TNNI3K: variants seen among roughly 807,000 people sequenced by gnomAD.
TNNI3K encodes the protein TNNI3 interacting kinase.
TNNI3K carries 140 observed loss-of-function variants against 114.5 expected under a neutral mutation model. That is an observed-to-expected ratio of 1.22 (90% confidence interval 1.07 to 1.41). TNNI3K has a LOEUF of 1.41. Ranked by LOEUF, TNNI3K falls within the 40% of genes most tolerant of loss-of-function variation. TNNI3K has a pLI of 0.00. For synonymous variants in TNNI3K, 347 were observed against 347.5 expected, an observed-to-expected ratio of 1.00 and a Z score of 0.02; for missense variants, 1,125 against 1,007.6, an observed-to-expected ratio of 1.12 and a Z score of -1.58.
chr1:74,510,101 G>T (rs1670108811), intron 23 of TNNI3K, among the ~76,000 whole-genome samples: 1 of 152,024 alleles, frequency 6.6e-6, no homozygotes, highest in South Asian at 2.1e-4. Context: ...TTTGTAAAAG[G>T]TAGACAGTTC....
intron 17 of TNNI3K, among the ~76,000 whole-genome samples, chr1:74,393,681 G>A (rs1394608046): frequency 6.6e-6 from 1 of 152,126 alleles, no homozygotes; most frequent in African/African-American, 2.4e-5. Context: ...TGGCACCAGG[G>A]AGCAGTTTTG....
At chr1:74,352,443 C>T (rs539340087) in intron 9 of TNNI3K, among the ~76,000 whole-genome samples, 1 of 152,312 alleles carries the variant, frequency 6.6e-6, no homozygotes, top group Admixed American at 6.5e-5. Flanking sequence ...GCAGTCTGCC[C>T]ATTCTCAGAT....
At chr1:74,420,444 G>A (rs1022411230) in intron 17 of TNNI3K, among the ~76,000 whole-genome samples, 6 of 152,072 alleles carry the variant, frequency 3.9e-5, no homozygotes, top group Admixed American at 3.3e-4. Context: ...TGCCTTTGAG[G>A]ATGAGAACAG....
chr1:74,275,062 A>G (rs947440077), intron 5 of TNNI3K, among the ~76,000 whole-genome samples: 2 of 152,100 alleles, frequency 1.3e-5, no homozygotes, highest in African/African-American at 4.8e-5. Context: ...ATTATTAGAA[A>G]CATAATAATG....
At chr1:74,468,976 A>C (rs1462489059) in intron 21 of TNNI3K, 1 of 152,164 alleles carries the variant, frequency 6.6e-6, no homozygotes, top group Non-Finnish European at 1.5e-5. Flanking sequence ...TTCACATTTA[A>C]TTCCAGTGTA....
intron 5 of TNNI3K, among the ~76,000 whole-genome samples, chr1:74,283,206 T>C (rs1657119127): frequency 1.3e-5 from 2 of 152,188 alleles, no homozygotes; most frequent in African/African-American, 4.8e-5. Flanking sequence ...CATTCGAAAA[T>C]GGTTTCCTCG....
chr1:74,483,143 A>G, intron 21 of TNNI3K: 3 of 576,304 alleles, frequency 5.2e-6, no homozygotes, highest in South Asian at 4.6e-5. Flanking sequence ...TATGAAGTGT[A>G]CTCATTAAAG....
rs754799408 is a variant in TNNI3K, at chr1:74,294,066, C to T, written c.444+22358C>T. 5.9e-5 allele frequency among the ~76,000 whole-genome samples: 9 copies of T among 151,450 alleles called. No individual in the cohort carries two copies. The South Asian group carries it at 6.2e-4, about 11-fold the overall frequency. ...TTTTCTGACATGTCATTTTTATACTCGTTGAATTCAGATTGTTGATGTTTT... is the reference window on the plus strand; with the variant it reads ...TTTTCTGACATGTCATTTTTATACTTGTTGAATTCAGATTGTTGATGTTTT... On this transcript the variant is annotated intron_variant, in intron 5 of 24. Coordinates refer to ENST00000326637, the MANE Select transcript of TNNI3K (RefSeq NM_015978.3).
intron 4 of TNNI3K, among the ~76,000 whole-genome samples, chr1:74,257,861 G>T (rs567782246): frequency 7.2e-4 from 110 of 151,862 alleles, no homozygotes; most frequent in African/African-American, 2.4e-3. Flanking sequence ...TAGAGACGGG[G>T]TTTCACCATG....
intron 23 of TNNI3K, among the ~76,000 whole-genome samples, chr1:74,502,089 A>G (rs1669662989): frequency 6.6e-6 from 1 of 152,128 alleles, no homozygotes; most frequent in Non-Finnish European, 1.5e-5. Flanking sequence ...CTACCATATA[A>G]TCTATTAAAA....
At chr1:74,480,211 G>A (rs1438395248) in intron 21 of TNNI3K, 1 of 717,512 alleles carries the variant, frequency 1.4e-6, no homozygotes, top group Admixed American at 2.0e-5. Flanking sequence ...GGGGACTTCT[G>A]TCCTTTAGAA....
chr1:74,353,870 C>T, intron 10 of TNNI3K, 110 bp from the exon 11 acceptor site: 1 of 1,408,104 alleles, frequency 7.1e-7, no homozygotes, highest in Non-Finnish European at 9.5e-7. Flanking sequence ...TCAATCCTTA[C>T]TTCATACCTT....
intron 4 of TNNI3K, among the ~76,000 whole-genome samples, chr1:74,257,812 C>T (rs997286120): frequency 2.0e-4 from 31 of 151,674 alleles, no homozygotes; most frequent in African/African-American, 7.0e-4. Flanking sequence ...GGGCTACAGG[C>T]GCCCGCCACC....
At chr1:74,268,588 T>G (rs201470808) in intron 4 of TNNI3K, among the ~76,000 whole-genome samples, 1 of 10 alleles carries the variant, frequency 0.1, no homozygotes, top group Admixed American at 0.25. Flanking sequence ...CAAATCAATA[T>G]TTTATTTGGA....
intron 23 of TNNI3K, among the ~76,000 whole-genome samples, chr1:74,504,617 C>T (rs756421592): frequency 2.0e-5 from 3 of 151,976 alleles, no homozygotes; most frequent in South Asian, 4.1e-4. Flanking sequence ...AAGAGCCCTA[C>T]GTGTGTAAAA....
chr1:74,482,410 T>C (rs1668550033), intron 21 of TNNI3K, among the ~76,000 whole-genome samples: 1 of 152,192 alleles, frequency 6.6e-6, no homozygotes, highest in South Asian at 2.1e-4. Flanking sequence ...ATAAATGTAG[T>C]GAAGTCAAGA....
In TNNI3K at chr1:74,342,922, C is replaced by T. The variant is rs769962227; in HGVS notation, c.763C>T (p.Leu255=). ...FGHHDIVKYL[L]QSDLEVQPHV... ...ACACCATGATATAGTTAAGTATCTG[C>T]TGCAAAGTGATTTGGAAGTTCAACC... The change falls in exon 8 of 25, where the codon CTG becomes TTG. Residue 255 remains leucine (L), a synonymous_variant. Transcript: ENST00000326637. 1.1e-5 allele frequency: 18 copies of T among 1,613,768 alleles called. No individual in the cohort carries two copies. The African/African-American group carries it at 2.1e-4, about 19-fold the overall frequency.
chr1:74,255,345 C>A (rs184653477), intron 4 of TNNI3K, among the ~76,000 whole-genome samples: 1,691 of 114,986 alleles, frequency 0.015, 37 homozygotes, highest in African/African-American at 0.048. Context: ...CAGAGCGAGA[C>A]TCCGTCTCAA....
At chr1:74,384,598 A>G (rs757340876) in intron 17 of TNNI3K, among the ~76,000 whole-genome samples, 24 of 152,138 alleles carry the variant, frequency 1.6e-4, no homozygotes, top group Non-Finnish European at 2.9e-4. Flanking sequence ...TCTATGCCTG[A>G]CTGGAATATT....
Sources: allele counts gnomAD v4.1 joint callset (sites outside exome capture counted in the v4.1 genomes callset), GRCh38; gene constraint gnomAD v4.1.1; transcripts MANE v1.5; gene names NCBI Gene and HGNC (gene_info 2026-07-23, HGNC 2026-07-21).